Variants in LRMDA observed in about 807,000 individuals in gnomAD.
LRMDA encodes the protein leucine-rich melanocyte differentiation-associated protein.
Under a neutral mutation model 29.8 loss-of-function variants are expected in LRMDA, and 18 were observed. The ratio of observed to expected loss-of-function variants is 0.60; its 90% CI spans 0.42 to 0.90. The LOEUF is 0.90. Ranked by LOEUF, LRMDA falls within the 40% of genes least tolerant of loss-of-function variation. The pLI, the probability that LRMDA is intolerant of heterozygous loss-of-function variation, is 0.00. For synonymous variants in LRMDA, 125 were observed against 109.4 expected (o/e 1.14, Z -0.89); for missense variants, 273 against 273.9 (o/e 1.00, Z 0.02).
chr10:76,527,024 A>AT (rs1843183218), intron 6 of LRMDA, among the ~76,000 whole-genome samples: 1 of 142,576 alleles, frequency 7.0e-6, no homozygotes, highest in Admixed American at 7.1e-5. Context: ...AAATAAATAA[A>AT]AATGCCCTAA....
intron 2 of LRMDA, among the ~76,000 whole-genome samples, chr10:75,532,056 G>GAAAAAAAAAAA (rs60697116): frequency 2.1e-5 from 2 of 95,386 alleles, no homozygotes; most frequent in Non-Finnish European, 4.1e-5. Flanking sequence ...AAGAAAGAAA[G>GAAAAAAAAAAA]AAAAAAAAAA....
At chr10:76,448,133 A>G (rs934212075) in intron 6 of LRMDA, among the ~76,000 whole-genome samples, 8 of 152,160 alleles carry the variant, frequency 5.3e-5, no homozygotes, top group Non-Finnish European at 1.2e-4. Flanking sequence ...CAAAAATATA[A>G]CTGCATAAAA....
At chr10:76,496,210 G>A (rs1227797227) in intron 6 of LRMDA, among the ~76,000 whole-genome samples, 1 of 74,560 alleles carries the variant, frequency 1.3e-5, no homozygotes, top group Non-Finnish European at 4.4e-5. Flanking sequence ...GTTTCCTCTG[G>A]TCCTTTCAGG....
At chr10:76,405,938 T>G (rs1372674097) in intron 6 of LRMDA, among the ~76,000 whole-genome samples, 1 of 152,202 alleles carries the variant, frequency 6.6e-6, no homozygotes, top group East Asian at 1.9e-4. Flanking sequence ...GCTTGAAACT[T>G]TTTCCAGCTT....
chr10:76,241,787 G>C (rs1006841669), intron 5 of LRMDA, among the ~76,000 whole-genome samples: 1 of 152,136 alleles, frequency 6.6e-6, no homozygotes, highest in Non-Finnish European at 1.5e-5. Context: ...AGACTGAAGG[G>C]TATGCCTGTA....
chr10:76,132,014 A>G (rs925775661), intron 5 of LRMDA, among the ~76,000 whole-genome samples: 11 of 152,208 alleles, frequency 7.2e-5, no homozygotes, highest in African/African-American at 2.7e-4. Flanking sequence ...CCAGTACAAC[A>G]ATTCAAGATG....
intron 2 of LRMDA, among the ~76,000 whole-genome samples, chr10:75,957,300 G>A (rs1846679618): frequency 1.3e-5 from 2 of 152,326 alleles, no homozygotes; most frequent in South Asian, 4.1e-4. Flanking sequence ...CCCAGGACTG[G>A]GGAGATGAAG....
At chr10:76,139,589 T>C (rs1850162052) in intron 5 of LRMDA, among the ~76,000 whole-genome samples, 1 of 152,186 alleles carries the variant, frequency 6.6e-6, no homozygotes, top group East Asian at 1.9e-4. Context: ...TATGTGAAGC[T>C]CTTGTGGTTT....
intron 2 of LRMDA, among the ~76,000 whole-genome samples, chr10:75,623,722 G>T (rs1355242301): frequency 5.9e-5 from 9 of 152,212 alleles, no homozygotes; most frequent in African/African-American, 2.2e-4. Context: ...CTGTTTGTTT[G>T]TGGCTAACAG....
chr10:75,711,214 C>T (rs777367336), intron 2 of LRMDA, among the ~76,000 whole-genome samples: 1 of 152,010 alleles, frequency 6.6e-6, no homozygotes, highest in Non-Finnish European at 1.5e-5. Flanking sequence ...TGGGATGTGC[C>T]CATCTGTTGG....
intron 2 of LRMDA, among the ~76,000 whole-genome samples, chr10:76,026,140 A>C (rs922414386): frequency 2.6e-5 from 4 of 152,214 alleles, no homozygotes; most frequent in Admixed American, 6.5e-5. Flanking sequence ...GTACAGAGTG[A>C]AAGGAAAAAG....
intron 6 of LRMDA, among the ~76,000 whole-genome samples, chr10:76,484,288 T>C (rs1842760824): frequency 6.6e-6 from 1 of 151,814 alleles, no homozygotes; most frequent in Non-Finnish European, 1.5e-5. Flanking sequence ...TTAACTGTTT[T>C]AGAAATTATT....
At chr10:76,165,282 GT>G (rs898731106) in intron 5 of LRMDA, among the ~76,000 whole-genome samples, 1 of 151,970 alleles carries the variant, frequency 6.6e-6, no homozygotes, top group African/African-American at 2.4e-5. Context: ...CAAAAAGAGA[GT>G]TTTTTTTGAG....
chr10:75,840,236 A>C (rs564391986), intron 2 of LRMDA, among the ~76,000 whole-genome samples: 11 of 150,586 alleles, frequency 7.3e-5, no homozygotes, highest in African/African-American at 2.7e-4. Context: ...CAGGCTTCTC[A>C]TCTTGATCCT....
chr10:75,591,173 A>G (rs1322832916), intron 2 of LRMDA, among the ~76,000 whole-genome samples: 1 of 152,212 alleles, frequency 6.6e-6, no homozygotes, highest in Non-Finnish European at 1.5e-5. Context: ...AGCCTGGGCA[A>G]CACAGTGAGA....
intron 6 of LRMDA, among the ~76,000 whole-genome samples, chr10:76,551,857 A>C (rs566492539): frequency 2.4e-4 from 36 of 152,246 alleles, no homozygotes; most frequent in Non-Finnish European, 3.8e-4. Flanking sequence ...CTACCTCTTC[A>C]CAACATTGTT....
intron 5 of LRMDA, among the ~76,000 whole-genome samples, chr10:76,095,046 C>A (rs1849292286): frequency 6.6e-6 from 1 of 152,108 alleles, no homozygotes; most frequent in African/African-American, 2.4e-5. Flanking sequence ...AGTGTAGAGT[C>A]TGGACAAAGA....
chr10:75,752,091 A>G (rs1014134971), intron 2 of LRMDA, among the ~76,000 whole-genome samples: 3 of 151,242 alleles, frequency 2.0e-5, no homozygotes, highest in Admixed American at 1.3e-4. Flanking sequence ...GCTGATAAGG[A>G]GTAGTTATTT....
intron 2 of LRMDA, among the ~76,000 whole-genome samples, chr10:75,859,594 A>C (rs1844884049): frequency 7.9e-6 from 1 of 126,814 alleles, no homozygotes; most frequent in South Asian, 2.8e-4. Flanking sequence ...TTATATATTC[A>C]GGGCATACAC....
Sources: gnomAD v4.1 joint callset for allele counts (sites outside exome capture counted in the v4.1 genomes callset) on GRCh38, gnomAD v4.1.1 for gene constraint, MANE v1.5 for transcripts, NCBI Gene and HGNC (gene_info 2026-07-23, HGNC 2026-07-21) for gene names.